Variants in ZNF718 observed in about 807,000 individuals in gnomAD.
The protein encoded by ZNF718 is zinc finger protein 718.
ZNF718 carries 3 observed loss-of-function variants against 2.6 expected under a neutral mutation model. The ratio of observed to expected loss-of-function variants is 1.16; its 90% confidence interval spans 0.53 to 3.01. ZNF718 has a LOEUF of 3.01. ZNF718 is among the 30% of genes most tolerant of loss of function. ZNF718 has a pLI of 0.03. For missense variants in ZNF718, 468 were observed against 230.0 expected, an observed-to-expected ratio of 2.03 and a Z score of -6.69; for synonymous variants, 135 against 77.9, an observed-to-expected ratio of 1.73 and a Z score of -3.86.
chr4:177,951 A>G (rs554612608), intron 3 of ZNF718, among the ~76,000 whole-genome samples: 137 of 152,218 alleles, frequency 9.0e-4, no homozygotes, highest in African/African-American at 3.2e-3. Context: ...CGAAACATGT[A>G]TGCTAAATTG....
In ZNF718 at chr4:170,450, C is replaced by G. The variant is rs1717199348; in HGVS notation, c.227-30631C>G. On this transcript the variant is annotated intron_variant and NMD_transcript_variant, in intron 3 of 4. Coordinates refer to the ZNF718 transcript ENST00000642529. The stretch of plus-strand genomic sequence containing the variant: ...TAATATCCTGCAGAGTGTTTTCCAA[C>G]TTGGTTCCATTCTCCCTGTCACTTT... 2.0e-5 allele frequency among the ~76,000 whole-genome samples: 3 copies of G among 152,314 alleles called. 1 individual carries two copies. The highest frequency in any genetic ancestry group is 6.5e-5 in the Admixed American group (1 of 15,300).
In ZNF718 at chr4:140,950, A is replaced by T. The variant is rs1166648788; in HGVS notation, c.226+9445A>T. On this transcript the variant is annotated intron_variant, in intron 3 of 3. Transcript: ENST00000510175. ...TCAGCATACATTTTGTCTGAATTTT[A>T]TGTTTGTCTTTGCTAAATATTTTTA... 3.3e-5 allele frequency among the ~76,000 whole-genome samples: 5 copies of T among 152,192 alleles called. No homozygotes were observed. In the South Asian group the frequency reaches 8.3e-4, roughly 25 times the overall value.
chr4:183,357 A>G (rs376855935), intron 3 of ZNF718, among the ~76,000 whole-genome samples: 4 of 152,228 alleles, frequency 2.6e-5, no homozygotes, highest in African/African-American at 9.6e-5. Context: ...CCATTGGTCT[A>G]TCTGTCCGTT....
chr4:168,025 A>G (rs566230760), downstream of ZNF718, among the ~76,000 whole-genome samples: 61 of 152,290 alleles, frequency 4.0e-4, no homozygotes, highest in African/African-American at 1.4e-3. Flanking sequence ...GATATGTCCC[A>G]TCAATACCTA....
rs781974194 is a variant in ZNF718, at chr4:161,102, G to GA, written c.424dup (p.Thr142AsnfsTer5). 9 of 768,360 alleles carry GA rather than the reference G, an allele frequency of 1.2e-5. No individual in the cohort carries two copies. Among genetic ancestry groups the GA allele is most frequent in the Admixed American group, 5.3e-5 (3 of 56,372 alleles). The allele number at this position is 768,360 out of a possible 1,614,324, so 47.6% of individuals were successfully genotyped here. A position where few individuals can be genotyped will look rare whatever the true frequency, so the allele number is the denominator to read the frequency against. ...TTAACCAATGCTTATTAACTACCCAGAAAAAAACAATTCAATCTAATATAT... is the reference window on the plus strand; with the variant it reads ...TTAACCAATGCTTATTAACTACCCAGAAAAAAAACAATTCAATCTAATATAT... On this transcript the variant is annotated frameshift_variant, in exon 4 of 4. Coordinates refer to ENST00000510175, the MANE Select transcript of ZNF718 (RefSeq NM_001039127.6). LOFTEE classifies it low-confidence loss of function (END_TRUNC).
chr4:147,240 G>GTT (rs1189927836), intron 3 of ZNF718, among the ~76,000 whole-genome samples: 1 of 152,176 alleles, frequency 6.6e-6, no homozygotes. Flanking sequence ...TTAGATCTGT[G>GTT]TTTTATTGTA....
At chr4:138,305 T>C (rs911477764) in intron 3 of ZNF718, among the ~76,000 whole-genome samples, 3 of 152,230 alleles carry the variant, frequency 2.0e-5, no homozygotes, top group Non-Finnish European at 2.9e-5. Context: ...TTCCAGCCTC[T>C]GGTAACAATC....
intron 3 of ZNF718, among the ~76,000 whole-genome samples, chr4:141,511 G>GT (rs1227436607): frequency 2.6e-5 from 4 of 152,170 alleles, no homozygotes; most frequent in Non-Finnish European, 5.9e-5. Flanking sequence ...ATACATGCTT[G>GT]TTTCCTAATG....
intron 3 of ZNF718, among the ~76,000 whole-genome samples, chr4:186,434 C>G (rs782620321): frequency 6.6e-6 from 1 of 151,988 alleles, no homozygotes; most frequent in African/African-American, 2.4e-5. Context: ...TCATTTTGAC[C>G]TTGGAGAATC....
At chr4:166,752 T>C (rs374147169), downstream of ZNF718, among the ~76,000 whole-genome samples, 1 of 152,140 alleles carries the variant, frequency 6.6e-6, no homozygotes, top group African/African-American at 2.4e-5. Flanking sequence ...TGGATATTAG[T>C]CCTTTGTCAG....
At chr4:136,056 T>A (rs1553809267) in intron 3 of ZNF718, among the ~76,000 whole-genome samples, 1 of 152,164 alleles carries the variant, frequency 6.6e-6, no homozygotes, top group Non-Finnish European at 1.5e-5. Context: ...CTGCTTTTGA[T>A]GGTTGTGTTA....
At chr4:177,180 T>C (rs1717366724) in intron 3 of ZNF718, among the ~76,000 whole-genome samples, 1 of 152,190 alleles carries the variant, frequency 6.6e-6, no homozygotes, top group Non-Finnish European at 1.5e-5. Context: ...CTGTCATTGT[T>C]ATTGCCTCCT....
chr4:173,623 A>T (rs1194213906), intron 3 of ZNF718, among the ~76,000 whole-genome samples: 1 of 152,172 alleles, frequency 6.6e-6, no homozygotes, highest in East Asian at 1.9e-4. Flanking sequence ...AGCAAAGGAT[A>T]CTTCTGTTAA....
At chr4:175,065 A>G (rs576224898) in intron 3 of ZNF718, among the ~76,000 whole-genome samples, 1 of 152,204 alleles carries the variant, frequency 6.6e-6, no homozygotes, top group Admixed American at 6.6e-5. Flanking sequence ...TTGAAATCCT[A>G]TATGAGAGAT....
Position 161,022 on chromosome 4 carries a change from A to G in ZNF718, c.337A>G (p.Lys113Glu), listed in dbSNP as rs539282156. 1.3e-6 allele frequency: 1 copy of G among 780,896 alleles called. No homozygotes were observed. Among genetic ancestry groups the G allele is most frequent in the Non-Finnish European group, 2.4e-6 (1 of 418,008 alleles). The allele number at this position is 780,896 out of a possible 1,614,324, so 48.4% of individuals were successfully genotyped here. Residue 113 changes from lysine to glutamate, a missense_variant, in exon 4 of 4, where the codon AAA (lysine) becomes GAA (glutamate). Transcript: ENST00000510175. ...HEKRGHENLR[K>E]TCKSINECKV... is the part of the protein sequence containing the mutation. ...GAAACGTGGACATGAGAATTTAAGA[A>G]AAACTTGTAAAAGTATAAATGAGTG...
chr4:139,153 G>A (rs180910191), intron 3 of ZNF718, among the ~76,000 whole-genome samples: 70 of 152,120 alleles, frequency 4.6e-4, no homozygotes, highest in Admixed American at 4.2e-3. Context: ...TCATTTTTGC[G>A]TTGGCTGCCT....
intron 3 of ZNF718, among the ~76,000 whole-genome samples, chr4:174,537 C>T (rs1394456927): frequency 6.6e-6 from 1 of 152,160 alleles, no homozygotes. Flanking sequence ...GCCTATCCAT[C>T]TCGTGTCTGT....
intron 3 of ZNF718, among the ~76,000 whole-genome samples, chr4:159,077 C>T (rs1220400138): frequency 1.3e-5 from 2 of 148,604 alleles, no homozygotes; most frequent in Admixed American, 1.3e-4. Flanking sequence ...TGTTTTGTCG[C>T]CCAGGCTAGA....
In ZNF718 at chr4:161,796, G is replaced by A; in HGVS notation, c.1111G>A (p.Glu371Lys). 3.8e-6 allele frequency: 3 copies of A among 780,638 alleles called. No individual in the cohort carries two copies. The Admixed American group carries it at 5.1e-5, about 13-fold the overall frequency. The allele number at this position is 780,638 out of a possible 1,614,324, so 48.4% of individuals were successfully genotyped here. A position where few individuals can be genotyped will look rare whatever the true frequency, so the allele number is the denominator to read the frequency against. ...HTGEKPYTCE[E>K]CGKAFNWSST... ...TGGAGAGAAACCCTACACATGTGAA[G>A]AATGTGGAAAAGCCTTTAATTGGTC... The change falls in exon 4 of 4, where the codon GAA becomes AAA. Residue 371 changes from glutamate to lysine, a missense_variant. Transcript: ENST00000510175.
Sources: gnomAD v4.1 joint callset for allele counts (sites outside exome capture counted in the v4.1 genomes callset) on GRCh38, gnomAD v4.1.1 for gene constraint, MANE v1.5 for transcripts, NCBI Gene and HGNC (gene_info 2026-07-23, HGNC 2026-07-21) for gene names.